SLC24A3: variants seen among roughly 807,000 people sequenced by gnomAD.
SLC24A3 encodes the protein solute carrier family 24 member 3.
Under a neutral mutation model 75.8 loss-of-function variants are expected in SLC24A3, and 28 were observed. That is an observed-to-expected ratio of 0.37 (90% CI 0.27 to 0.51). The LOEUF is 0.51. Ranked by LOEUF, SLC24A3 falls within the 20% of genes least tolerant of loss-of-function variation. The pLI is 0.94. For synonymous variants in SLC24A3, 372 were observed against 334.1 expected (o/e 1.11, Z -1.24); for missense variants, 663 against 847.8 (o/e 0.78, Z 2.71).
intron 1 of SLC24A3, among the ~76,000 whole-genome samples, chr20:19,250,084 G>C (rs1379065849): frequency 6.6e-6 from 1 of 152,208 alleles, no homozygotes; most frequent in Non-Finnish European, 1.5e-5. Context: ...CAGTCATTCA[G>C]CCATTCAACA....
chr20:19,696,091 C>T (rs1488139426), intron 13 of SLC24A3, among the ~76,000 whole-genome samples: 2 of 137,212 alleles, frequency 1.5e-5, no homozygotes, highest in Non-Finnish European at 3.0e-5. Context: ...TATCACAGCT[C>T]ATCGCAGCCT....
At chr20:19,640,323 A>C (rs1392711633) in intron 6 of SLC24A3, among the ~76,000 whole-genome samples, 1 of 152,254 alleles carries the variant, frequency 6.6e-6, no homozygotes, top group African/African-American at 2.4e-5. Context: ...TGAAATAAGG[A>C]AAAGGAGAAA....
chr20:19,647,557 G>A (rs904745719), intron 6 of SLC24A3, among the ~76,000 whole-genome samples: 5 of 152,206 alleles, frequency 3.3e-5, no homozygotes, highest in Non-Finnish European at 7.3e-5. Flanking sequence ...GTGGCCTCAA[G>A]TCCAGCATTT....
At chr20:19,447,755 G>T (rs536341425) in intron 2 of SLC24A3, among the ~76,000 whole-genome samples, 1 of 152,272 alleles carries the variant, frequency 6.6e-6, no homozygotes, top group African/African-American at 2.4e-5. Context: ...TAGATAGATG[G>T]TCTGCTTGCT....
chr20:19,376,863 G>C (rs534821678), intron 2 of SLC24A3, among the ~76,000 whole-genome samples: 1 of 152,208 alleles, frequency 6.6e-6, no homozygotes, highest in African/African-American at 2.4e-5. Context: ...AGGTGGAGCC[G>C]TCACCAGCGA....
chr20:19,569,917 GAA>G (rs765835001), intron 3 of SLC24A3, among the ~76,000 whole-genome samples: 35 of 152,282 alleles, frequency 2.3e-4, no homozygotes, highest in Middle Eastern at 3.4e-3. Context: ...TCTTCAGTTA[GAA>G]AAGAGTTCTC....
chr20:19,425,676 C>T (rs1054736900), intron 2 of SLC24A3, among the ~76,000 whole-genome samples: 7 of 152,166 alleles, frequency 4.6e-5, no homozygotes, highest in Admixed American at 1.3e-4. Flanking sequence ...GGAGATTTTA[C>T]AGTTCTATCT....
chr20:19,342,740 G>A (rs189439274), intron 2 of SLC24A3, among the ~76,000 whole-genome samples: 5 of 152,252 alleles, frequency 3.3e-5, no homozygotes, highest in South Asian at 2.1e-4. Flanking sequence ...AAGAGATAAC[G>A]TCGAAGGTGG....
At chr20:19,253,029 C>T (rs1356714573) in intron 1 of SLC24A3, among the ~76,000 whole-genome samples, 1 of 152,180 alleles carries the variant, frequency 6.6e-6, no homozygotes, top group Non-Finnish European at 1.5e-5. Flanking sequence ...AATTCTTGGA[C>T]ACTTGGGCTT....
chr20:19,626,924 T>G (rs951184940), intron 6 of SLC24A3, among the ~76,000 whole-genome samples: 2 of 152,178 alleles, frequency 1.3e-5, no homozygotes, highest in Admixed American at 1.3e-4. Context: ...AAGATCACAG[T>G]GGAAAGTCTT....
intron 2 of SLC24A3, among the ~76,000 whole-genome samples, chr20:19,441,644 T>C (rs995228646): frequency 3.9e-5 from 6 of 152,158 alleles, no homozygotes; most frequent in African/African-American, 1.4e-4. Context: ...GTGTGGTACA[T>C]TTATTACGAT....
At chr20:19,486,233 T>C (rs1011096368) in intron 2 of SLC24A3, among the ~76,000 whole-genome samples, 3 of 152,126 alleles carry the variant, frequency 2.0e-5, no homozygotes, top group Non-Finnish European at 4.4e-5. Flanking sequence ...TAGAAATAAG[T>C]ATTACCATAG....
At chr20:19,236,601 C>G (rs1252129455) in intron 1 of SLC24A3, among the ~76,000 whole-genome samples, 3 of 151,974 alleles carry the variant, frequency 2.0e-5, no homozygotes, top group African/African-American at 7.3e-5. Flanking sequence ...AAAAAATATG[C>G]AAAAATTGGC....
intron 2 of SLC24A3, among the ~76,000 whole-genome samples, chr20:19,317,840 C>A (rs1243250142): frequency 6.6e-6 from 1 of 152,220 alleles, no homozygotes; most frequent in Non-Finnish European, 1.5e-5. Context: ...GGCATCACAG[C>A]TGGTATAGTA....
At chr20:19,525,573 C>T (rs994036123) in intron 3 of SLC24A3, among the ~76,000 whole-genome samples, 12 of 152,134 alleles carry the variant, frequency 7.9e-5, no homozygotes, top group Non-Finnish European at 1.6e-4. Context: ...CATCTATCCA[C>T]CAGCTCCTAT....
chr20:19,657,783 C>T (rs1173472999), intron 7 of SLC24A3, among the ~76,000 whole-genome samples: 1 of 139,152 alleles, frequency 7.2e-6, no homozygotes, highest in Admixed American at 7.1e-5. Context: ...AGGTCGCACG[C>T]ACTGTCTTTT....
intron 2 of SLC24A3, among the ~76,000 whole-genome samples, chr20:19,508,683 C>T (rs186259866): frequency 6.6e-6 from 1 of 152,204 alleles, no homozygotes; most frequent in Non-Finnish European, 1.5e-5. Flanking sequence ...GCACCGCTTG[C>T]TTCTGCAGGC....
intron 2 of SLC24A3, among the ~76,000 whole-genome samples, chr20:19,511,488 C>T (rs1001892471): frequency 4.6e-5 from 7 of 152,178 alleles, no homozygotes; most frequent in Non-Finnish European, 8.8e-5. Flanking sequence ...CCACCACGCC[C>T]GGCTAATTTT....
intron 2 of SLC24A3, among the ~76,000 whole-genome samples, chr20:19,409,531 A>G (rs1986708404): frequency 6.6e-6 from 1 of 152,220 alleles, no homozygotes; most frequent in Non-Finnish European, 1.5e-5. Context: ...GAAAGACTGC[A>G]GCACAATTAT....
Sources: gnomAD v4.1 joint callset for allele counts (sites outside exome capture counted in the v4.1 genomes callset) on GRCh38, gnomAD v4.1.1 for gene constraint, MANE v1.5 for transcripts, NCBI Gene and HGNC (gene_info 2026-07-23, HGNC 2026-07-21) for gene names.